SH3RF1: variants seen among roughly 807,000 people sequenced by gnomAD.
SH3RF1 encodes the protein SH3 domain containing ring finger 1.
SH3RF1 carries 32 observed loss-of-function variants against 74.0 expected under a neutral mutation model. That is an observed-to-expected ratio of 0.43 (90% confidence interval 0.33 to 0.58). The LOEUF (loss-of-function observed/expected upper bound fraction) is 0.58, where lower values mean the gene tolerates loss of function less well. Among genes scored for constraint, SH3RF1 ranks in the 20% least tolerant of loss-of-function variants. The pLI, the probability that SH3RF1 is intolerant of heterozygous loss-of-function variation, is 0.05. For synonymous variants in SH3RF1, 396 were observed against 439.6 expected, an observed-to-expected ratio of 0.90 and a Z score of 1.24; for missense variants, 954 against 1,130.9, an observed-to-expected ratio of 0.84 and a Z score of 2.24.
intron 2 of SH3RF1, among the ~76,000 whole-genome samples, chr4:169,233,306 A>G (rs1473036094): frequency 6.6e-6 from 1 of 151,516 alleles, no homozygotes; most frequent in Non-Finnish European, 1.5e-5. Context: ...GGTAAATGGG[A>G]TATTCTGCTT....
chr4:169,144,340 A>G (rs890901253), intron 4 of SH3RF1, among the ~76,000 whole-genome samples: 2 of 152,170 alleles, frequency 1.3e-5, no homozygotes, highest in Non-Finnish European at 2.9e-5. Context: ...AAAGTACAAT[A>G]CCTATTCTCA....
intron 2 of SH3RF1, among the ~76,000 whole-genome samples, chr4:169,165,211 C>T (rs1346702071): frequency 1.3e-5 from 2 of 152,192 alleles, no homozygotes; most frequent in African/African-American, 4.8e-5. Context: ...TCTCTTGCCA[C>T]TGCCCTGCCC....
intron 5 of SH3RF1, among the ~76,000 whole-genome samples, chr4:169,134,854 T>C (rs1222770598): frequency 1.3e-5 from 2 of 152,330 alleles, no homozygotes; most frequent in Non-Finnish European, 2.9e-5. Flanking sequence ...ATAATCAGTG[T>C]ACAAAACAAA....
intron 2 of SH3RF1, among the ~76,000 whole-genome samples, chr4:169,202,772 T>G (rs1385032780): frequency 1.3e-5 from 2 of 152,214 alleles, no homozygotes; most frequent in Admixed American, 6.5e-5. Flanking sequence ...CCCTTAGATA[T>G]GTTGTTGTCA....
At chr4:169,228,434 T>C (rs1730685200) in intron 2 of SH3RF1, among the ~76,000 whole-genome samples, 2 of 152,198 alleles carry the variant, frequency 1.3e-5, no homozygotes, top group Admixed American at 1.3e-4. Context: ...TTCTTGCCTT[T>C]TCCAGCTTCC....
intron 2 of SH3RF1, chr4:169,220,303 G>A (rs1348748738): frequency 6.6e-6 from 1 of 152,158 alleles, no homozygotes; most frequent in East Asian, 1.9e-4. Context: ...ACAGCTAGCT[G>A]ACACTTCACA....
rs562706161 is a variant in SH3RF1, at chr4:169,160,826, C to A, written c.394-4147G>T. On this transcript the variant is annotated intron_variant, in intron 2 of 11. Coordinates refer to ENST00000284637, the MANE Select transcript of SH3RF1 (RefSeq NM_020870.4). ...TAAACGGTTAAACGACTTGGAAAAG[C>A]AATAAAAGAACACATTTTCCTTTTG... Among the ~76,000 whole-genome samples the A allele has an allele frequency of 4.6e-5, 7 of 152,284 alleles. No individual in the cohort carries two copies. In the South Asian group the frequency reaches 1.2e-3, roughly 27 times the overall value.
At chr4:169,178,045 A>G (rs1734449506) in intron 2 of SH3RF1, among the ~76,000 whole-genome samples, 1 of 151,912 alleles carries the variant, frequency 6.6e-6, no homozygotes, top group Non-Finnish European at 1.5e-5. Flanking sequence ...GTTTGAGACG[A>G]GCCTGGCCAA....
intron 2 of SH3RF1, among the ~76,000 whole-genome samples, chr4:169,239,821 G>C (rs987440508): frequency 1.3e-5 from 2 of 152,140 alleles, no homozygotes; most frequent in Non-Finnish European, 2.9e-5. Flanking sequence ...AGGAGTTCAA[G>C]ACCAGCTTGG....
intron 11 of SH3RF1, among the ~76,000 whole-genome samples, chr4:169,103,185 C>G (rs2126935932): frequency 6.7e-6 from 1 of 148,470 alleles, no homozygotes; most frequent in Middle Eastern, 3.6e-3. Flanking sequence ...ATCCACCCAC[C>G]TTGGCCTCCC....
At chr4:169,229,505 C>T (rs901370566) in intron 2 of SH3RF1, among the ~76,000 whole-genome samples, 1 of 151,344 alleles carries the variant, frequency 6.6e-6, no homozygotes, top group Non-Finnish European at 1.5e-5. Flanking sequence ...TGGCCACATA[C>T]ATTTGGAAAA....
At chr4:169,109,458 C>T (rs1733204373) in intron 10 of SH3RF1, among the ~76,000 whole-genome samples, 1 of 152,136 alleles carries the variant, frequency 6.6e-6, no homozygotes, top group Non-Finnish European at 1.5e-5. Flanking sequence ...ATGCTGACTA[C>T]CCACAGAACA....
rs368033119 is a variant in SH3RF1, at chr4:169,155,484, A to G, written c.761T>C (p.Val254Ala). Residue 254 changes from valine to alanine, a missense_variant, in exon 4 of 12, where the codon GTT (valine) becomes GCT (alanine). Physicochemically the swap from Val to Ala is moderately conservative, Grantham distance 64. Coordinates refer to ENST00000284637, the MANE Select transcript of SH3RF1 (RefSeq NM_020870.4). Reference sequence around the variant, plus strand: ...AGTTTCTACAGATTAATTTACCTCAACATATGAAATTGGAAATATTCCTAT... The same window carrying G: ...AGTTTCTACAGATTAATTTACCTCAGCATATGAAATTGGAAATATTCCTAT... ...DKIGIFPISY[V>A]EFNSAAKQLI... The G allele has an allele frequency of 1.4e-5, 23 of 1,609,030 alleles. No individual in the cohort carries two copies. Among genetic ancestry groups the G allele is most frequent in the Non-Finnish European group, 1.6e-5 (19 of 1,175,700 alleles).
At chr4:169,192,885 GATATGTTTCTTTT>G (rs1409541228) in intron 2 of SH3RF1, among the ~76,000 whole-genome samples, 1 of 141,988 alleles carries the variant, frequency 7.0e-6, no homozygotes, top group Non-Finnish European at 1.5e-5. Flanking sequence ...ATATATATGT[GATATGTTTCTTTT>G]ATATATATAT....
chr4:169,162,545 C>A (rs569025735), intron 2 of SH3RF1, among the ~76,000 whole-genome samples: 2 of 152,166 alleles, frequency 1.3e-5, no homozygotes, highest in African/African-American at 4.8e-5. Flanking sequence ...TTTTCTTAAT[C>A]TTCTACCTCC....
At chr4:169,142,043 C>T (rs1733795574) in intron 4 of SH3RF1, among the ~76,000 whole-genome samples, 1 of 152,140 alleles carries the variant, frequency 6.6e-6, no homozygotes. Flanking sequence ...TGATCTCAAT[C>T]TCCTGAGCTT....
chr4:169,108,107 T>C (rs1561025454), intron 10 of SH3RF1, among the ~76,000 whole-genome samples: 1 of 152,248 alleles, frequency 6.6e-6, no homozygotes, highest in Non-Finnish European at 1.5e-5. Context: ...AGCGTGAATG[T>C]TCTTTCTGAT....
chr4:169,230,004 G>A (rs567759290), intron 2 of SH3RF1, among the ~76,000 whole-genome samples: 165 of 129,088 alleles, frequency 1.3e-3, no homozygotes, highest in African/African-American at 4.8e-3. Context: ...TCAGGAGTTC[G>A]AGACTAGCCT....
intron 2 of SH3RF1, among the ~76,000 whole-genome samples, chr4:169,182,301 A>G (rs944203460): frequency 6.6e-6 from 1 of 152,246 alleles, no homozygotes; most frequent in South Asian, 2.1e-4. Context: ...CGAATCAGGT[A>G]AAATACACTC....
Sources: gnomAD v4.1 joint callset for allele counts (sites outside exome capture counted in the v4.1 genomes callset) on GRCh38, gnomAD v4.1.1 for gene constraint, MANE v1.5 for transcripts, NCBI Gene and HGNC (gene_info 2026-07-23, HGNC 2026-07-21) for gene names.